AMZ2: variants seen among roughly 807,000 people sequenced by gnomAD.
The protein encoded by AMZ2 is archaelysin family metallopeptidase 2, also known as archaemetzincin-2.
Under a neutral mutation model 36.7 loss-of-function variants are expected in AMZ2, and 26 were observed. The ratio of observed to expected loss-of-function variants is 0.71; its 90% confidence interval spans 0.52 to 0.98. The LOEUF (loss-of-function observed/expected upper bound fraction) is 0.98, where lower values mean the gene tolerates loss of function less well. Among genes scored for constraint, AMZ2 ranks in the 50% least tolerant of loss-of-function variants. The probability of loss-of-function intolerance (pLI) is 0.00; values close to 1 mark genes in which losing one functional copy is unlikely to be tolerated. For missense variants in AMZ2, 394 were observed against 430.5 expected, an observed-to-expected ratio of 0.92 and a Z score of 0.75; for synonymous variants, 144 against 149.1, an observed-to-expected ratio of 0.97 and a Z score of 0.25.
At chr17:68,211,910 A>G (rs1236713424) in intron 1 of AMZ2, among the ~76,000 whole-genome samples, 1 of 150,584 alleles carries the variant, frequency 6.6e-6, no homozygotes. Context: ...TTTTTTAATC[A>G]GTTCCCTTTG....
chr17:68,238,799 G>A (rs782291785), intron 1 of AMZ2, among the ~76,000 whole-genome samples: 55 of 152,166 alleles, frequency 3.6e-4, no homozygotes, highest in Non-Finnish European at 7.2e-4. Flanking sequence ...TTTGTTCCGG[G>A]AAAGAGTAAC....
chr17:68,249,147 A>C, intron 1 of AMZ2: 4 of 1,145,504 alleles, frequency 3.5e-6, no homozygotes, highest in Non-Finnish European at 4.3e-6. Context: ...ATGTGACATG[A>C]CTTTGAGGCC....
chr17:68,250,515 C>T (rs782067093), intron 2 of AMZ2, 45 bp downstream of exon 2: 11 of 1,590,526 alleles, frequency 6.9e-6, no homozygotes, highest in Middle Eastern at 1.7e-4. Context: ...TTTGCAGTGG[C>T]GCTCTTGTCA....
In AMZ2 at chr17:68,256,800, T is replaced by C. The variant is rs369522184; in HGVS notation, c.928-14T>C. 4 of 1,609,062 alleles carry C rather than the reference T, an allele frequency of 2.5e-6. No individual in the cohort carries two copies. The African/African-American group carries it at 5.4e-5, about 22-fold the overall frequency. On this transcript the variant is annotated splice_polypyrimidine_tract_variant and intron_variant, in intron 6 of 6. Transcript: ENST00000359904. ...TGTGGTTTGTTGAAGTGCGCATCTT[T>C]CATGTTTTTCCAGGCACTGGTGAGG...
At chr17:68,245,326 C>T (rs1386033455), upstream of AMZ2, among the ~76,000 whole-genome samples, 2 of 151,968 alleles carry the variant, frequency 1.3e-5, no homozygotes, top group South Asian at 4.1e-4. Context: ...CAGCCTCGAT[C>T]TCCTAGGCTC....
At chr17:68,221,222 C>CCCCCCCCCCCCCCCCA (rs2073356037) in intron 1 of AMZ2, among the ~76,000 whole-genome samples, 1 of 85,588 alleles carries the variant, frequency 1.2e-5, no homozygotes, top group African/African-American at 4.9e-5. Context: ...CCCCCCCGCC[C>CCCCCCCCCCCCCCCCA]CCCCGGTAGC....
At position 68,251,047 on chromosome 17, in the gene AMZ2, T is replaced by C. The variant is rs782328951; in HGVS notation, c.458-3T>C. ...ATACATTTATGTATTTCTTTTTAAA[T>C]AGGGGACATCCTGAAGTTCTTGAAA... On this transcript the variant is annotated splice_polypyrimidine_tract_variant and splice_region_variant and intron_variant, in intron 3 of 6. Coordinates refer to ENST00000359904, the MANE Select transcript of AMZ2 (RefSeq NM_016627.5). 1 of 1,608,102 alleles carries C rather than the reference T, an allele frequency of 6.2e-7. No individual in the cohort carries two copies. The highest frequency in any genetic ancestry group is 8.5e-7 in the Non-Finnish European group (1 of 1,178,644).
chr17:68,223,262 A>C (rs12941495), intron 1 of AMZ2, among the ~76,000 whole-genome samples: 49,162 of 151,280 alleles, frequency 0.32, 8,446 homozygotes, highest in African/African-American at 0.44. Context: ...AGTTTCGAAG[A>C]CTGGGCTTGA....
At position 68,223,159 on chromosome 17, in the gene AMZ2, C is replaced by A. The variant is rs574964643; in HGVS notation, c.-67+16921C>A. Among the ~76,000 whole-genome samples the A allele has an allele frequency of 5.3e-5, 8 of 152,206 alleles. No homozygotes were observed. In the East Asian group the frequency reaches 1.2e-3, roughly 22 times the overall value. On this transcript the variant is annotated intron_variant, in intron 1 of 7. Coordinates refer to the AMZ2 transcript ENST00000674770. ...TAAGGTGTTCATGATTCTCTTCTTT[C>A]AAATTTTGTGTATGTTTGAAACTTT...
chr17:68,217,542 A>G (rs2073230418), intron 1 of AMZ2, among the ~76,000 whole-genome samples: 1 of 152,224 alleles, frequency 6.6e-6, no homozygotes, highest in Non-Finnish European at 1.5e-5. Flanking sequence ...TGTGTCAACA[A>G]TTTTGACAAA....
At chr17:68,239,838 A>G (rs376899929) in intron 1 of AMZ2, among the ~76,000 whole-genome samples, 18 of 152,354 alleles carry the variant, frequency 1.2e-4, no homozygotes, top group African/African-American at 4.3e-4. Flanking sequence ...TGAAATCTTA[A>G]CAGCCAAAGA....
chr17:68,215,582 T>C (rs565677702), intron 1 of AMZ2, among the ~76,000 whole-genome samples: 1 of 136,100 alleles, frequency 7.3e-6, no homozygotes, highest in African/African-American at 2.7e-5. Context: ...TACTGCTGTG[T>C]TGTCATTGTA....
chr17:68,243,687 A>T (rs188616463), upstream of AMZ2, among the ~76,000 whole-genome samples: 283 of 152,350 alleles, frequency 1.9e-3, no homozygotes, highest in African/African-American at 6.5e-3. Context: ...CACCAGAAAG[A>T]TTCGACCTGT....
chr17:68,255,725 TA>T lies in AMZ2; in HGVS notation c.777del (p.Phe260LeufsTer27), dbSNP rs1555742368. The part of the protein sequence containing the change: ...CKTLTHEIGH[I>X]FGLRHCQWLA... ...ACTTTAACCCATGAGATCGGACACA[TA>T]TTTGGACTGCGACACTGCCAGTGGC... On this transcript the variant is annotated frameshift_variant, in exon 6 of 7. Coordinates refer to ENST00000359904, the MANE Select transcript of AMZ2 (RefSeq NM_016627.5). LOFTEE classifies it high-confidence loss of function. The T allele has an allele frequency of 6.2e-7, 1 of 1,614,154 alleles. No individual in the cohort carries two copies. Among genetic ancestry groups the T allele is most frequent in the South Asian group, 1.1e-5 (1 of 91,080 alleles).
At chr17:68,244,820 T>G (rs1282225565), upstream of AMZ2, among the ~76,000 whole-genome samples, 5 of 152,210 alleles carry the variant, frequency 3.3e-5, no homozygotes, top group African/African-American at 4.8e-5. Flanking sequence ...AAAAAATTAT[T>G]AGTGTTTTTT....
In AMZ2 at chr17:68,236,361, G is replaced by T. The variant is rs531505549; in HGVS notation, c.-66-12279G>T. Among the ~76,000 whole-genome samples, 270 of 151,204 alleles carry T rather than the reference G, an allele frequency of 1.8e-3. 1 individual carries two copies. The highest frequency in any genetic ancestry group is 6.2e-3 in the African/African-American group (254 of 41,170). ...ATGATATTATACTATGTATATGTTTGGTAACCCTCATTTTCACTCACTACA... is the reference window on the plus strand; with the variant it reads ...ATGATATTATACTATGTATATGTTTTGTAACCCTCATTTTCACTCACTACA... On this transcript the variant is annotated intron_variant, in intron 1 of 7. Transcript: ENST00000674770.
At chr17:68,219,733 T>A (rs2144533809) in intron 1 of AMZ2, among the ~76,000 whole-genome samples, 1 of 149,970 alleles carries the variant, frequency 6.7e-6, no homozygotes, top group East Asian at 2.0e-4. Flanking sequence ...GAGGTCTCGC[T>A]ATATTGCCCA....
chr17:68,237,585 G>A lies in AMZ2; in HGVS notation c.-66-11055G>A, dbSNP rs551720515. 2.0e-3 allele frequency among the ~76,000 whole-genome samples: 309 copies of A among 152,310 alleles called. 3 individuals are homozygous for A. Among genetic ancestry groups the A allele is most frequent in the Admixed American group, 9.0e-3 (137 of 15,296 alleles). On this transcript the variant is annotated intron_variant, in intron 1 of 7. Transcript: ENST00000674770. ...ACCCACAGGTGTTCAGTGGGGAGTTGCTGACTGCCTTGGAGAAGTGTATTT... is the reference window on the plus strand; with the variant it reads ...ACCCACAGGTGTTCAGTGGGGAGTTACTGACTGCCTTGGAGAAGTGTATTT...
intron 1 of AMZ2, among the ~76,000 whole-genome samples, chr17:68,216,327 T>C (rs773961559): frequency 6.6e-6 from 1 of 152,000 alleles, no homozygotes; most frequent in Non-Finnish European, 1.5e-5. Flanking sequence ...TTTGTAGAGG[T>C]CTCACTGTGT....
Sources: gnomAD v4.1 joint callset for allele counts (sites outside exome capture counted in the v4.1 genomes callset) on GRCh38, gnomAD v4.1.1 for gene constraint, MANE v1.5 for transcripts, NCBI Gene and HGNC (gene_info 2026-07-23, HGNC 2026-07-21) for gene names.